METTL15: variants seen among roughly 807,000 people sequenced by gnomAD.
METTL15 encodes 12S rRNA N(4)-cytidine methyltransferase METTL15.
Under a neutral mutation model 38.3 loss-of-function variants are expected in METTL15, and 34 were observed. That is an observed-to-expected ratio of 0.89 (90% confidence interval 0.68 to 1.18). METTL15 has a LOEUF of 1.18. Ranked by LOEUF, METTL15 falls within the 50% of genes most tolerant of loss-of-function variation. The pLI, the probability that METTL15 is intolerant of heterozygous loss-of-function variation, is 0.00. For synonymous variants in METTL15, 162 were observed against 170.9 expected, an observed-to-expected ratio of 0.95 and a Z score of 0.41; for missense variants, 438 against 498.4, an observed-to-expected ratio of 0.88 and a Z score of 1.15.
intron 5 of METTL15, among the ~76,000 whole-genome samples, chr11:28,377,503 G>C (rs1387425640): frequency 6.6e-6 from 1 of 151,986 alleles, no homozygotes; most frequent in Admixed American, 6.6e-5. Context: ...TTGGTTTTCA[G>C]CTCCATCAGC....
At chr11:28,292,871 C>T (rs1412745773) in intron 5 of METTL15, among the ~76,000 whole-genome samples, 4 of 152,108 alleles carry the variant, frequency 2.6e-5, no homozygotes, top group Admixed American at 2.6e-4. Flanking sequence ...TGAGAAGTGT[C>T]TGTTCGTATC....
At chr11:28,214,804 C>T (rs540568939) in intron 4 of METTL15, among the ~76,000 whole-genome samples, 2 of 152,132 alleles carry the variant, frequency 1.3e-5, no homozygotes, top group Non-Finnish European at 2.9e-5. Context: ...GTTAAAAACT[C>T]CAAATACTTA....
chr11:28,445,134 G>C (rs11030336), intron 6 of METTL15, among the ~76,000 whole-genome samples: 64,273 of 151,996 alleles, frequency 0.42, 15,004 homozygotes, highest in Admixed American at 0.54. Flanking sequence ...TTTCCTAGTG[G>C]TGAGGAACAG....
intron 6 of METTL15, among the ~76,000 whole-genome samples, chr11:28,461,996 T>C (rs1382178144): frequency 2.2e-5 from 3 of 134,968 alleles, no homozygotes; most frequent in Admixed American, 8.2e-5. Flanking sequence ...TCAACAAATA[T>C]TTGTTGAACT....
rs975957313 is a variant in METTL15 at position 28,282,277 on chromosome 11, A to T, written c.408-7929A>T. On this transcript the variant is annotated intron_variant, in intron 4 of 6. Transcript: ENST00000407364. ...GCACGGGAACCTTGCCCTTTAGTCTACTTAGGAGTTGTACTGTCAATCACC... is the reference window on the plus strand; with the variant it reads ...GCACGGGAACCTTGCCCTTTAGTCTTCTTAGGAGTTGTACTGTCAATCACC... Among the ~76,000 whole-genome samples the T allele has an allele frequency of 2.0e-5, 3 of 152,144 alleles. No homozygotes were observed. In the South Asian group the frequency reaches 6.2e-4, roughly 32 times the overall value.
At chr11:28,470,577 A>T (rs1851295535) in intron 6 of METTL15, among the ~76,000 whole-genome samples, 1 of 152,152 alleles carries the variant, frequency 6.6e-6, no homozygotes, top group Admixed American at 6.5e-5. Flanking sequence ...GAGCAATAAG[A>T]TAAATGAATT....
chr11:28,402,761 G>T (rs912640504), intron 5 of METTL15, among the ~76,000 whole-genome samples: 1 of 151,752 alleles, frequency 6.6e-6, no homozygotes, highest in Non-Finnish European at 1.5e-5. Context: ...GATGACGTCT[G>T]GGCTTTTAAT....
intron 5 of METTL15, among the ~76,000 whole-genome samples, chr11:28,366,455 C>CTATA (rs1357857990): frequency 1.3e-5 from 2 of 151,712 alleles, no homozygotes. Flanking sequence ...TGAGTAGAAA[C>CTATA]TATAAAGAAG....
intron 4 of METTL15, among the ~76,000 whole-genome samples, chr11:28,223,009 T>C (rs1853311972): frequency 6.6e-6 from 1 of 152,054 alleles, no homozygotes; most frequent in South Asian, 2.1e-4. Context: ...CTGAAAAACA[T>C]AATTTTGCTA....
chr11:28,531,399 G>A (rs748659201), downstream of METTL15, among the ~76,000 whole-genome samples: 33 of 151,912 alleles, frequency 2.2e-4, 1 homozygote, highest in Admixed American at 3.9e-4. Context: ...AGGAACTCAC[G>A]TGCCTAGGTT....
At chr11:28,507,755 C>A (rs1851640821) in intron 6 of METTL15, among the ~76,000 whole-genome samples, 1 of 152,078 alleles carries the variant, frequency 6.6e-6, no homozygotes, top group African/African-American at 2.4e-5. Flanking sequence ...TCAATTGGTC[C>A]TGTTATTTTC....
chr11:28,510,521 A>G (rs763700051), intron 6 of METTL15, among the ~76,000 whole-genome samples: 65 of 152,228 alleles, frequency 4.3e-4, no homozygotes, highest in Admixed American at 9.8e-4. Context: ...TAACAGTAAT[A>G]AAATAAACAT....
At chr11:28,455,165 A>G (rs894968761) in intron 6 of METTL15, among the ~76,000 whole-genome samples, 3 of 149,618 alleles carry the variant, frequency 2.0e-5, no homozygotes, top group Admixed American at 6.7e-5. Flanking sequence ...TGGCAAGGTA[A>G]TGGACTCAAC....
intron 4 of METTL15, among the ~76,000 whole-genome samples, chr11:28,237,475 G>A (rs1854052729): frequency 1.3e-5 from 2 of 152,074 alleles, no homozygotes; most frequent in Middle Eastern, 3.2e-3. Context: ...GCACTTCTCT[G>A]TATTGGTTAT....
intron 4 of METTL15, among the ~76,000 whole-genome samples, chr11:28,275,542 A>G (rs993436442): frequency 2.6e-5 from 4 of 151,824 alleles, no homozygotes; most frequent in African/African-American, 4.8e-5. Context: ...TACTAGTACA[A>G]ATTTCCCTGA....
chr11:28,337,181 G>C (rs937240687), downstream of METTL15, among the ~76,000 whole-genome samples: 1 of 152,080 alleles, frequency 6.6e-6, no homozygotes, highest in Non-Finnish European at 1.5e-5. Flanking sequence ...AAAAGAGTAA[G>C]AAAGTCAACA....
At chr11:28,511,806 C>T (rs1312581321) in intron 6 of METTL15, among the ~76,000 whole-genome samples, 3 of 152,128 alleles carry the variant, frequency 2.0e-5, no homozygotes, top group Non-Finnish European at 4.4e-5. Context: ...AAAGCTTCCA[C>T]AGTGTGGAAG....
intron 6 of METTL15, among the ~76,000 whole-genome samples, chr11:28,460,472 T>C (rs1851205399): frequency 6.6e-6 from 1 of 152,096 alleles, no homozygotes; most frequent in Non-Finnish European, 1.5e-5. Flanking sequence ...CTTCCTTTAA[T>C]ATTATGAAAA....
chr11:28,390,482 G>C (rs1305294504), intron 5 of METTL15, among the ~76,000 whole-genome samples: 1 of 152,132 alleles, frequency 6.6e-6, no homozygotes, highest in Non-Finnish European at 1.5e-5. Flanking sequence ...TTATTAAATA[G>C]GGAATCCTTT....
Sources: gnomAD v4.1 joint callset for allele counts (sites outside exome capture counted in the v4.1 genomes callset) on GRCh38, gnomAD v4.1.1 for gene constraint, MANE v1.5 for transcripts, NCBI Gene and HGNC (gene_info 2026-07-23, HGNC 2026-07-21) for gene names.